ACER3: variants seen among roughly 807,000 people sequenced by gnomAD.
ACER3 encodes alkCDase 3.
In ACER3, 16 loss-of-function variants were observed where a neutral mutation model predicts 48.9. The ratio of observed to expected loss-of-function variants is 0.33; its 90% CI spans 0.22 to 0.50. The LOEUF is 0.50. Among genes scored for constraint, ACER3 ranks in the 20% least tolerant of loss-of-function variants. The pLI is 0.98. For missense variants in ACER3, 227 were observed against 326.0 expected (o/e 0.70, Z 2.34); for synonymous variants, 109 against 107.8 (o/e 1.01, Z -0.07).
intron 1 of ACER3, among the ~76,000 whole-genome samples, chr11:76,873,772 T>G (rs1340644850): frequency 6.6e-6 from 1 of 152,084 alleles, no homozygotes; most frequent in African/African-American, 2.4e-5. Flanking sequence ...AGTGGAACAG[T>G]AATTGTGGTG....
chr11:77,013,219 T>A (rs1402377846), intron 7 of ACER3, among the ~76,000 whole-genome samples: 1 of 152,154 alleles, frequency 6.6e-6, no homozygotes, highest in African/African-American at 2.4e-5. Context: ...CGGCAAAGAT[T>A]TATTAATAAA....
At chr11:76,937,924 A>G (rs555921854) in intron 2 of ACER3, among the ~76,000 whole-genome samples, 2 of 152,258 alleles carry the variant, frequency 1.3e-5, no homozygotes, top group East Asian at 1.9e-4. Context: ...TTTATTTACT[A>G]TATGTTTATT....
At chr11:76,955,600 G>T (rs983814309) in intron 2 of ACER3, 1 of 152,216 alleles carries the variant, frequency 6.6e-6, no homozygotes, top group African/African-American at 2.4e-5. Context: ...GGAAAGAGAA[G>T]AAGCAAGCTT....
chr11:76,878,860 G>T (rs1438049394), intron 1 of ACER3, among the ~76,000 whole-genome samples: 1 of 151,908 alleles, frequency 6.6e-6, no homozygotes, highest in African/African-American at 2.4e-5. Context: ...TATCCATTCT[G>T]GAGTGTGTGT....
At chr11:76,886,167 A>G (rs1388918398) in intron 1 of ACER3, among the ~76,000 whole-genome samples, 1 of 152,210 alleles carries the variant, frequency 6.6e-6, no homozygotes, top group African/African-American at 2.4e-5. Context: ...GCCCTGAAGA[A>G]TGAGATGGCG....
At chr11:76,990,657 C>T in intron 6 of ACER3, 83 bp downstream of exon 6, 1 of 956,860 alleles carries the variant, frequency 1.0e-6, no homozygotes, top group Non-Finnish European at 1.6e-6. Flanking sequence ...AAATGATATG[C>T]AGATAAAAAT....
intron 2 of ACER3, among the ~76,000 whole-genome samples, chr11:76,940,623 G>T (rs1914599): frequency 0.57 from 86,407 of 151,978 alleles, 27,890 homozygotes; most frequent in Non-Finnish European, 0.74. Context: ...GTATTTTTCT[G>T]ACTTAACAAT....
At chr11:76,998,696 A>G in intron 6 of ACER3, 67 bp from the exon 7 acceptor site, 1 of 1,108,328 alleles carries the variant, frequency 9.0e-7, no homozygotes, top group Non-Finnish European at 1.3e-6. Flanking sequence ...CTATTTTGGT[A>G]GGCAAAATAG....
At chr11:76,916,727 CTT>C (rs903447039) in intron 1 of ACER3, among the ~76,000 whole-genome samples, 3 of 152,180 alleles carry the variant, frequency 2.0e-5, no homozygotes, top group African/African-American at 7.2e-5. Flanking sequence ...AGTTTGGAAA[CTT>C]TCCCTTTTTG....
At chr11:76,932,082 G>T (rs1288849943) in intron 2 of ACER3, among the ~76,000 whole-genome samples, 1 of 151,862 alleles carries the variant, frequency 6.6e-6, no homozygotes, top group African/African-American at 2.4e-5. Flanking sequence ...CCAAGTAGCT[G>T]GGACCACAGG....
At chr11:76,930,888 T>C (rs1015821319) in intron 2 of ACER3, among the ~76,000 whole-genome samples, 2 of 151,972 alleles carry the variant, frequency 1.3e-5, no homozygotes, top group African/African-American at 2.4e-5. Context: ...CTTCCAACTA[T>C]GTGGTCAATT....
chr11:76,960,859 TGGG>T (rs754819712), intron 3 of ACER3, among the ~76,000 whole-genome samples: 9 of 151,822 alleles, frequency 5.9e-5, no homozygotes, highest in Non-Finnish European at 7.4e-5. Flanking sequence ...CCTCCCAAGT[TGGG>T]GGGGTCATTT....
At chr11:76,869,954 T>C (rs1945199846) in intron 1 of ACER3, among the ~76,000 whole-genome samples, 1 of 152,152 alleles carries the variant, frequency 6.6e-6, no homozygotes, top group Non-Finnish European at 1.5e-5. Context: ...CTTGACCTCC[T>C]AGGCTTAAGT....
At chr11:76,967,729 C>T (rs1196843621) in intron 3 of ACER3, among the ~76,000 whole-genome samples, 3 of 152,140 alleles carry the variant, frequency 2.0e-5, no homozygotes, top group East Asian at 1.9e-4. Flanking sequence ...AGGCCTTTGA[C>T]AAAATTCAAC....
chr11:76,884,251 T>C (rs1372386819), intron 1 of ACER3, among the ~76,000 whole-genome samples: 6 of 152,168 alleles, frequency 3.9e-5, no homozygotes, highest in African/African-American at 1.4e-4. Context: ...ATTTTTTTTT[T>C]CCTTGCACCA....
At chr11:76,926,487 T>A (rs1946832394) in intron 1 of ACER3, 70 bp from the exon 2 acceptor site, 2 of 867,778 alleles carry the variant, frequency 2.3e-6, no homozygotes, top group East Asian at 5.4e-5. Context: ...TGTTAAAGCC[T>A]ACGTGAATGT....
rs188796548 is a variant in ACER3, at chr11:76,953,591, C to G, written c.215-5388C>G. On this transcript the variant is annotated intron_variant, in intron 2 of 10. Transcript: ENST00000532485. Reference sequence around the variant, plus strand: ...CCAGCCTGGGTGACAGAGTGAGACTCTGTCTCAAAAAACAAAACAAAACAA... The same window carrying G: ...CCAGCCTGGGTGACAGAGTGAGACTGTGTCTCAAAAAACAAAACAAAACAA... Among the ~76,000 whole-genome samples the G allele has an allele frequency of 4.9e-4, 75 of 152,186 alleles. 1 individual carries two copies. The highest frequency in any genetic ancestry group is 1.8e-3 in the Admixed American group (28 of 15,284).
chr11:76,969,259 C>A (rs1226051302), intron 3 of ACER3, among the ~76,000 whole-genome samples: 2 of 152,158 alleles, frequency 1.3e-5, no homozygotes, highest in African/African-American at 4.8e-5. Flanking sequence ...CATCTCACAC[C>A]AGTTAGAATG....
chr11:76,976,187 T>C, intron 3 of ACER3, 102 bp from the exon 4 acceptor site: 1 of 919,426 alleles, frequency 1.1e-6, no homozygotes, highest in Non-Finnish European at 1.7e-6. Context: ...GTGCCTGGTC[T>C]AAGAGCTGAA....
Sources: allele counts gnomAD v4.1 joint callset (sites outside exome capture counted in the v4.1 genomes callset), GRCh38; gene constraint gnomAD v4.1.1; transcripts MANE v1.5; gene names NCBI Gene and HGNC (gene_info 2026-07-23, HGNC 2026-07-21).